RCVRN: variants seen among roughly 807,000 people sequenced by gnomAD.
RCVRN encodes cancer associated retinopathy antigen.
Under a neutral mutation model 20.4 loss-of-function variants are expected in RCVRN, and 23 were observed. The ratio of observed to expected loss-of-function variants is 1.13; its 90% CI spans 0.81 to 1.60. RCVRN has a LOEUF of 1.60. RCVRN is among the 40% of genes most tolerant of loss of function. The pLI is 0.00. For synonymous variants in RCVRN, 105 were observed against 105.9 expected (o/e 0.99, Z 0.05); for missense variants, 254 against 254.2 (o/e 1.00, Z 0.00).
At position 9,904,919 on chromosome 17, in the gene RCVRN, T is replaced by A; in HGVS notation, c.262A>T (p.Ile88Phe). ...CCCGCGGTGGTCATGTGCAGGGCGATGACGTACTCCTTGAAGTCCAGGGTG... is the reference window on the plus strand; with the variant it reads ...CCCGCGGTGGTCATGTGCAGGGCGAAGACGTACTCCTTGAAGTCCAGGGTG... Reference protein sequence around the residue: ...DGTLDFKEYVIALHMTTAGKT... With the variant: ...DGTLDFKEYVFALHMTTAGKT... Residue 88 changes from isoleucine (I) to phenylalanine (F), a missense_variant, in exon 1 of 3, where the codon ATC becomes TTC. Coordinates refer to ENST00000226193, the MANE Select transcript of RCVRN (RefSeq NM_002903.3). This position sits in a 1 kb window ranked among gnomAD's most constrained non-coding sequence, Gnocchi z 5.8. 1 of 1,614,138 alleles carries A rather than the reference T, an allele frequency of 6.2e-7. No homozygotes were observed.
chr17:9,898,025 T>G lies in RCVRN; in HGVS notation c.*70A>C. 1.1e-6 allele frequency: 1 copy of G among 923,982 alleles called. No homozygotes were observed. Among genetic ancestry groups the G allele is most frequent in the Non-Finnish European group, 1.8e-6 (1 of 551,326 alleles). 57.2% of individuals were successfully genotyped at this position (923,982 alleles called of 1,614,324 possible). A position where few individuals can be genotyped will look rare whatever the true frequency, so the allele number is the denominator to read the frequency against. On this transcript the variant is annotated 3_prime_UTR_variant, in exon 3 of 3. Transcript: ENST00000226193. ...GCGCGCGCGTGTGTGTGCATGTGTG[T>G]GTGTGTGCACAGGCGCTCACGGGTG...
chr17:9,901,027 G>T lies in RCVRN; in HGVS notation c.455C>A (p.Ala152Asp), dbSNP rs928018811. 4.4e-6 allele frequency: 7 copies of T among 1,608,500 alleles called. No homozygotes were observed. The highest frequency in any genetic ancestry group is 6.0e-6 in the Non-Finnish European group (7 of 1,175,792). The change falls in exon 2 of 3, where the codon GCC becomes GAC. Residue 152 changes from alanine to aspartate, a missense_variant. Transcript: ENST00000226193. ...PDDENTPEKR[A>D]EKIWKYFGKN... ...TCCAAAGTACTTCCAGATCTTCTCGGCTCGCTTTTCCGGCGTGTTTTCATC... is the reference window on the plus strand; with the variant it reads ...TCCAAAGTACTTCCAGATCTTCTCGTCTCGCTTTTCCGGCGTGTTTTCATC...
intron 1 of RCVRN, 23 bp from the exon 2 acceptor site, chr17:9,901,123 A>G: frequency 7.1e-7 from 1 of 1,412,090 alleles, no homozygotes; most frequent in East Asian, 2.3e-5. Flanking sequence ...GAAAGAAAGA[A>G]CTCGTTAGGA....
Position 9,899,667 on chromosome 17 carries a change from G to A in RCVRN, c.493+1322C>T, listed in dbSNP as rs969037460. 6.6e-6 allele frequency among the ~76,000 whole-genome samples: 1 copy of A among 152,196 alleles called. No homozygotes were observed. Among genetic ancestry groups the A allele is most frequent in the Non-Finnish European group, 1.5e-5 (1 of 68,034 alleles). On this transcript the variant is annotated intron_variant, in intron 2 of 2. Transcript: ENST00000226193. The surrounding 1 kb of genome is among the most constrained non-coding windows in gnomAD (Gnocchi z 4.6). ...GTGCTCAAAGGTGAGGGGCCAATCC[G>A]GGCCGATGAGGGAAAGGTGGGTAAA...
chr17:9,901,527 C>T (rs1330054342), intron 1 of RCVRN, among the ~76,000 whole-genome samples: 2 of 142,316 alleles, frequency 1.4e-5, no homozygotes, highest in African/African-American at 4.9e-5. Flanking sequence ...GAGGGAAGGT[C>T]GACAGCTTTG....
In RCVRN at chr17:9,899,118, T is replaced by C. The variant is rs924751841; in HGVS notation, c.494-914A>G. On this transcript the variant is annotated intron_variant, in intron 2 of 2. Transcript: ENST00000226193. The surrounding 1 kb of genome is among the most constrained non-coding windows in gnomAD (Gnocchi z 4.6). ...AGGCAGTCACACGCAGAAATACCTCTAGCATGAGACAGATGCTCCTTTCTG... is the reference window on the plus strand; with the variant it reads ...AGGCAGTCACACGCAGAAATACCTCCAGCATGAGACAGATGCTCCTTTCTG... Among the ~76,000 whole-genome samples the C allele has an allele frequency of 6.6e-6, 1 of 152,186 alleles. No homozygotes were observed.
rs1218101311 is a variant in RCVRN at position 9,905,113 on chromosome 17, A to G, written c.68T>C (p.Phe23Ser). 6.2e-7 allele frequency: 1 copy of G among 1,610,340 alleles called. No homozygotes were observed. The highest frequency in any genetic ancestry group is 1.1e-5 in the South Asian group (1 of 90,306). Residue 23 changes from phenylalanine to serine, a missense_variant, in exon 1 of 3, where the codon TTC becomes TCC. By Grantham distance (155) the Phe-to-Ser change is radical. Coordinates refer to ENST00000226193, the MANE Select transcript of RCVRN (RefSeq NM_002903.3). ...ILEELQLNTKFSEEELCSWYQ... is the reference protein window; with the variant it reads ...ILEELQLNTKSSEEELCSWYQ... ...CCAGGAGCACAGCTCCTCCTCCGAG[A>G]ACTTGGTGTTCAGCTGCAGCTCCTC...
At position 9,901,018 on chromosome 17, in the gene RCVRN, ATCT is replaced by A. The variant is rs774334739; in HGVS notation, c.461_463del (p.Lys154del). On this transcript the variant is annotated inframe_deletion, in exon 2 of 3. Transcript: ENST00000226193. ...ATCATTCTTTCCAAAGTACTTCCAG[ATCT>A]TCTCGGCTCGCTTTTCCGGCGTGTT... 9 of 1,608,596 alleles carry A rather than the reference ATCT, an allele frequency of 5.6e-6. No individual in the cohort carries two copies. Among genetic ancestry groups the A allele is most frequent in the Non-Finnish European group, 6.8e-6 (8 of 1,175,740 alleles).
In RCVRN at chr17:9,898,142, TC is replaced by T; in HGVS notation, c.555del (p.Ile186SerfsTer8). 6.2e-7 allele frequency: 1 copy of T among 1,614,106 alleles called. No individual in the cohort carries two copies. Among genetic ancestry groups the T allele is most frequent in the Non-Finnish European group, 8.5e-7 (1 of 1,179,966 alleles). ...TTCACTTTTTGAGGCTCAAACTGGA[TC>T]AGTCGCAGAATTTCCTTATTGGCCA... ...GTLANKEILR[L>X]IQFEPQKVKE... On this transcript the variant is annotated frameshift_variant, in exon 3 of 3. Transcript: ENST00000226193.
intron 2 of RCVRN, among the ~76,000 whole-genome samples, chr17:9,900,545 C>T (rs766468580): frequency 7.6e-6 from 1 of 132,228 alleles, no homozygotes; most frequent in African/African-American, 4.3e-5. Context: ...GGGGTCAGAT[C>T]TGCTTGGCAG....
intron 2 of RCVRN, among the ~76,000 whole-genome samples, 175 bp from the exon 3 acceptor site, chr17:9,898,379 C>T (rs2067328029): frequency 6.6e-6 from 1 of 152,090 alleles, no homozygotes; most frequent in Admixed American, 6.5e-5. Flanking sequence ...GTCCAGATAC[C>T]CACCTCCTTT....
rs1314756933 is a variant in RCVRN, at chr17:9,899,684, G to A, written c.493+1305C>T. On this transcript the variant is annotated intron_variant, in intron 2 of 2. Coordinates refer to ENST00000226193, the MANE Select transcript of RCVRN (RefSeq NM_002903.3). This position sits in a 1 kb window ranked among gnomAD's most constrained non-coding sequence, Gnocchi z 4.6. ...GCCAATCCGGGCCGATGAGGGAAAG[G>A]TGGGTAAAGTACCAAGGCGCGAATT... is the stretch of plus-strand genomic sequence containing the variant. Among the ~76,000 whole-genome samples the A allele has an allele frequency of 2.0e-5, 3 of 152,162 alleles. No individual in the cohort carries two copies. Among genetic ancestry groups the A allele is most frequent in the Admixed American group, 6.5e-5 (1 of 15,280 alleles).
chr17:9,901,530 C>T (rs1388479166), intron 1 of RCVRN, among the ~76,000 whole-genome samples: 1 of 144,372 alleles, frequency 6.9e-6, no homozygotes, highest in Non-Finnish European at 1.6e-5. Context: ...GGAAGGTCGA[C>T]AGCTTTGAGA....
intron 2 of RCVRN, among the ~76,000 whole-genome samples, chr17:9,898,590 C>G (rs2067328961): frequency 6.6e-6 from 1 of 152,166 alleles, no homozygotes; most frequent in Non-Finnish European, 1.5e-5. Flanking sequence ...TTTCAAGGAT[C>G]AAGTTCAGGA....
chr17:9,900,450 C>G (rs1487191068), intron 2 of RCVRN, among the ~76,000 whole-genome samples: 1 of 131,328 alleles, frequency 7.6e-6, no homozygotes, highest in East Asian at 1.9e-4. Context: ...GCACTGCAGT[C>G]TCGGGCATTA....
rs1304254086 is a variant in RCVRN at position 9,904,518 on chromosome 17, G to A, written c.381+282C>T. 6.6e-6 allele frequency among the ~76,000 whole-genome samples: 1 copy of A among 152,206 alleles called. No individual in the cohort carries two copies. Among genetic ancestry groups the A allele is most frequent in the African/African-American group, 2.4e-5 (1 of 41,450 alleles). ...CATTACAATCTTATGGGACCACAGT[G>A]GTCTATATCGTCCGTTGTTGACCCA... is the stretch of plus-strand genomic sequence containing the variant. On this transcript the variant is annotated intron_variant, in intron 1 of 2. Transcript: ENST00000226193. This position sits in a 1 kb window ranked among gnomAD's most constrained non-coding sequence, Gnocchi z 5.8.
chr17:9,896,489 A>G lies in RCVRN; in HGVS notation c.*1606T>C, dbSNP rs1218594215. 4 of 152,200 alleles carry G rather than the reference A, an allele frequency of 2.6e-5. No homozygotes were observed. Among genetic ancestry groups the G allele is most frequent in the African/African-American group, 9.7e-5 (4 of 41,446 alleles). 9.4% of individuals were successfully genotyped at this position (152,200 alleles called of 1,614,324 possible). ...GAGGTTGCAGACAGGTCAGTCAAGAATCCAGGGTATCCATGCATTTTTCTG... is the reference window on the plus strand; with the variant it reads ...GAGGTTGCAGACAGGTCAGTCAAGAGTCCAGGGTATCCATGCATTTTTCTG... On this transcript the variant is annotated 3_prime_UTR_variant, in exon 3 of 3. Transcript: ENST00000226193.
At position 9,897,793 on chromosome 17, in the gene RCVRN, A is replaced by G; in HGVS notation, c.*302T>C. On this transcript the variant is annotated 3_prime_UTR_variant, in exon 3 of 3. Transcript: ENST00000226193. Reference sequence around the variant, plus strand: ...CAGCGGGGTGACACTTAGGACTCCTATGGCCTAATCCTGGGATTAGCACAG... The same window carrying G: ...CAGCGGGGTGACACTTAGGACTCCTGTGGCCTAATCCTGGGATTAGCACAG... 6.3e-6 allele frequency: 2 copies of G among 315,370 alleles called. No individual in the cohort carries two copies. The highest frequency in any genetic ancestry group is 5.6e-5 in the South Asian group (1 of 17,802). The allele number at this position is 315,370 out of a possible 1,614,324, so 19.5% of individuals were successfully genotyped here. A position where few individuals can be genotyped will look rare whatever the true frequency, so the allele number is the denominator to read the frequency against.
At chr17:9,901,286 G>A in intron 1 of RCVRN, 186 bp from the exon 2 acceptor site, 4 of 419,362 alleles carry the variant, frequency 9.5e-6, no homozygotes, top group East Asian at 3.4e-5. Context: ...CACTGGTCTT[G>A]ACGATAATTT....
Sources: gnomAD v4.1 joint callset for allele counts (sites outside exome capture counted in the v4.1 genomes callset) on GRCh38, gnomAD v4.1.1 for gene constraint, Gnocchi (gnomAD v3.1) non-coding constraint, MANE v1.5 for transcripts, NCBI Gene and HGNC (gene_info 2026-07-23, HGNC 2026-07-21) for gene names.